The following CSMD1 variants were observed in gnomAD, a reference collection of about 807,000 sequenced individuals.
CSMD1 encodes the protein CUB and Sushi multiple domains 1, also known as CUB and sushi domain-containing protein 1.
A neutral mutation model predicts 417.5 loss-of-function variants in CSMD1; 213 were observed. The observed-to-expected ratio is 0.51, with a 90% CI of 0.46 to 0.57. The LOEUF is 0.57. CSMD1 is among the 20% of genes least tolerant of loss of function. The probability of loss-of-function intolerance (pLI) is 0.00; values close to 1 mark genes in which losing one functional copy is unlikely to be tolerated. For synonymous variants in CSMD1, 2,862 were observed against 1,736.8 expected, an observed-to-expected ratio of 1.65 and a Z score of -16.11; for missense variants, 6,923 against 4,529.7, an observed-to-expected ratio of 1.53 and a Z score of -15.17.
intron 2 of CSMD1, among the ~76,000 whole-genome samples, chr8:4,444,622 T>C (rs1470660132): frequency 1.3e-5 from 2 of 152,150 alleles, no homozygotes; most frequent in African/African-American, 2.4e-5. Flanking sequence ...ATAGATGCCA[T>C]CTGTAAACAT....
chr8:3,639,476 C>T lies in CSMD1; in HGVS notation c.1010-22679G>A, dbSNP rs548115442. Among the ~76,000 whole-genome samples the T allele has an allele frequency of 5.3e-5, 8 of 152,216 alleles. 1 individual carries two copies. In the South Asian group the frequency reaches 1.4e-3, roughly 28 times the overall value. On this transcript the variant is annotated intron_variant, in intron 7 of 69. Coordinates refer to ENST00000635120, the MANE Select transcript of CSMD1 (RefSeq NM_033225.6). ...CTATGACCTGAATTGTCTAACTGAG[C>T]ATGAAAATAAGGACAGAGCACTAAA...
rs73658172 is a variant in CSMD1, at chr8:3,525,557, T to C, written c.1345-31831A>G. ...ATATTGGTGAAAGCGATTGCCTCTC[T>C]TGACAGTTCAGGGAACAAGCAGAGG... On this transcript the variant is annotated intron_variant, in intron 10 of 69. Coordinates refer to ENST00000635120, the MANE Select transcript of CSMD1 (RefSeq NM_033225.6). Among the ~76,000 whole-genome samples, 931 of 152,250 alleles carry C rather than the reference T, an allele frequency of 6.1e-3. 14 individuals carry two copies. Among genetic ancestry groups the C allele is most frequent in the African/African-American group, 0.022 (912 of 41,534 alleles).
intron 1 of CSMD1, among the ~76,000 whole-genome samples, chr8:4,915,308 C>T (rs1049041402): frequency 2.6e-5 from 4 of 152,064 alleles, no homozygotes; most frequent in Admixed American, 1.3e-4. Context: ...CAGACTTTCC[C>T]GTGTGGATTT....
chr8:4,775,631 AAC>A (rs778465898), intron 1 of CSMD1, among the ~76,000 whole-genome samples: 6 of 152,216 alleles, frequency 3.9e-5, no homozygotes, highest in Non-Finnish European at 7.3e-5. Flanking sequence ...AACTTTAGAC[AAC>A]ACTTTTATTT....
chr8:3,131,059 G>T (rs1263429473), intron 41 of CSMD1, among the ~76,000 whole-genome samples: 1 of 152,074 alleles, frequency 6.6e-6, no homozygotes, highest in African/African-American at 2.4e-5. Flanking sequence ...TTGGCATTCT[G>T]GGAAGTCTAA....
chr8:3,839,654 GA>G (rs112068635), intron 5 of CSMD1, among the ~76,000 whole-genome samples: 116 of 120,862 alleles, frequency 9.6e-4, no homozygotes, highest in African/African-American at 1.0e-3. Flanking sequence ...CTTCAACTCA[GA>G]AAAAAAAAAA....
chr8:4,500,855 C>G (rs1802226278), intron 2 of CSMD1, among the ~76,000 whole-genome samples: 1 of 152,092 alleles, frequency 6.6e-6, no homozygotes, highest in Non-Finnish European at 1.5e-5. Flanking sequence ...TTCTATTTAT[C>G]TGTCTCTGGC....
rs200938659 is a variant in CSMD1 at position 3,106,616 on chromosome 8, G to C, written c.6861C>G (p.His2287Gln). Reference sequence around the variant, plus strand: ...CGGTCCCCACCAAGGTGTACCCGGGGTGGCACTGGTACTTCACAAAATCTC... The same window carrying C: ...CGGTCCCCACCAAGGTGTACCCGGGCTGGCACTGGTACTTCACAAAATCTC... ...EIGDFVKYQCHPGYTLVGTDI... is the reference protein window; with the variant it reads ...EIGDFVKYQCQPGYTLVGTDI... The change falls in exon 46 of 70, where the codon CAC becomes CAG. Residue 2287 changes from histidine (H) to glutamine (Q), a missense_variant. By Grantham distance (24) the His-to-Gln change is conservative (BLOSUM62 0). Transcript: ENST00000635120. 79 of 1,613,232 alleles carry C rather than the reference G, an allele frequency of 4.9e-5. No homozygotes were observed. The highest frequency in any genetic ancestry group is 6.3e-5 in the Non-Finnish European group (74 of 1,179,566).
chr8:4,452,295 T>A (rs1000365971), intron 2 of CSMD1, among the ~76,000 whole-genome samples: 2 of 152,214 alleles, frequency 1.3e-5, no homozygotes, highest in Admixed American at 6.5e-5. Flanking sequence ...TCTTAACAAC[T>A]ATTTAGGTGA....
intron 1 of CSMD1, among the ~76,000 whole-genome samples, chr8:4,743,864 T>C (rs1437565200): frequency 6.6e-6 from 1 of 152,178 alleles, no homozygotes; most frequent in Non-Finnish European, 1.5e-5. Context: ...CTCTGTCCGT[T>C]CCCACTCAAG....
At chr8:4,222,849 G>A (rs72507690) in intron 3 of CSMD1, among the ~76,000 whole-genome samples, 3,243 of 152,086 alleles carry the variant, frequency 0.021, 275 homozygotes, top group Admixed American at 0.16. Flanking sequence ...ATACCATGAG[G>A]ACAATTAATT....
intron 5 of CSMD1, among the ~76,000 whole-genome samples, chr8:3,990,291 G>T (rs1261935948): frequency 6.6e-6 from 1 of 152,076 alleles, no homozygotes; most frequent in African/African-American, 2.4e-5. Context: ...TAATTTATAG[G>T]AAAAGTATTT....
intron 5 of CSMD1, among the ~76,000 whole-genome samples, chr8:3,991,340 T>C (rs1003947634): frequency 4.6e-5 from 7 of 152,212 alleles, no homozygotes; most frequent in Non-Finnish European, 1.0e-4. Flanking sequence ...TAGTCTGGGA[T>C]GGCCAGTTTT....
chr8:4,217,273 C>A (rs570408304), intron 3 of CSMD1, among the ~76,000 whole-genome samples: 1 of 152,156 alleles, frequency 6.6e-6, no homozygotes, highest in East Asian at 1.9e-4. Context: ...TTGCAGAAGT[C>A]TTTCATATAA....
chr8:4,150,562 G>A (rs551794763), intron 3 of CSMD1, among the ~76,000 whole-genome samples: 5 of 152,320 alleles, frequency 3.3e-5, no homozygotes, highest in South Asian at 2.1e-4. Context: ...TGACCCTGCT[G>A]AAGGATTCAT....
intron 12 of CSMD1, among the ~76,000 whole-genome samples, chr8:3,450,538 A>C (rs545748671): frequency 1.2e-4 from 18 of 144,012 alleles, no homozygotes; most frequent in Non-Finnish European, 1.2e-4. Context: ...TTCAATTCCC[A>C]CCTATCAATG....
At chr8:3,839,425 TAATA>T (rs1174865610) in intron 5 of CSMD1, among the ~76,000 whole-genome samples, 3 of 52,550 alleles carry the variant, frequency 5.7e-5, no homozygotes, top group African/African-American at 1.7e-4. Context: ...TAAATATATA[TAATA>T]AATTAATATT....
chr8:3,162,352 A>C, intron 37 of CSMD1, 75 bp from the exon 38 acceptor site: 1 of 918,198 alleles, frequency 1.1e-6, no homozygotes, highest in Non-Finnish European at 1.7e-6. Context: ...ACCAAAGTTT[A>C]TTTCTATTGC....
chr8:4,663,118 G>A (rs1804704904), intron 1 of CSMD1, among the ~76,000 whole-genome samples: 1 of 152,170 alleles, frequency 6.6e-6, no homozygotes. Context: ...CGTGGGCTTA[G>A]GACGCCACGG....
Sources: gnomAD v4.1 joint callset for allele counts (sites outside exome capture counted in the v4.1 genomes callset) on GRCh38, gnomAD v4.1.1 for gene constraint, MANE v1.5 for transcripts, NCBI Gene and HGNC (gene_info 2026-07-23, HGNC 2026-07-21) for gene names.